Variants in AK1 observed in about 807,000 individuals in gnomAD.
AK1 encodes adenylate kinase isoenzyme 1.
In AK1, 13 loss-of-function variants were observed where a neutral mutation model predicts 23.9. The ratio of observed to expected loss-of-function variants is 0.54; its 90% confidence interval spans 0.35 to 0.86. The LOEUF is 0.86. Among genes scored for constraint, AK1 ranks in the 40% least tolerant of loss-of-function variants. The pLI, the probability that AK1 is intolerant of heterozygous loss-of-function variation, is 0.01. For missense variants in AK1, 214 were observed against 255.1 expected (o/e 0.84, Z 1.10); for synonymous variants, 97 against 102.8 (o/e 0.94, Z 0.34).
intron 2 of AK1, chr9:127,874,305 C>T (rs994481601): frequency 1.0e-6 from 1 of 985,386 alleles, no homozygotes; most frequent in African/African-American, 1.7e-5. Context: ...CTCATTAGAC[C>T]TGGTGTTTTG....
Position 127,871,944 on chromosome 9 carries a change from G to T in AK1, c.208-5C>A, listed in dbSNP as rs780711229. 4.3e-6 allele frequency: 7 copies of T among 1,612,294 alleles called. 1 individual carries two copies. The Admixed American group carries it at 1.2e-4, about 27-fold the overall frequency. Reference sequence around the variant, plus strand: ...GAGCATGTCCAACACTGTCTCCTGGGGCACAGCAAAGGAGGAAGGGGCCAT... The same window carrying T: ...GAGCATGTCCAACACTGTCTCCTGGTGCACAGCAAAGGAGGAAGGGGCCAT... On this transcript the variant is annotated splice_region_variant and splice_polypyrimidine_tract_variant and intron_variant, in intron 4 of 6. Transcript: ENST00000644144. This position sits in a 1 kb window ranked among gnomAD's most constrained non-coding sequence, Gnocchi z 4.4.
At chr9:127,869,432 G>T (rs1212553533) in intron 5 of AK1, 1 of 153,080 alleles carries the variant, frequency 6.5e-6, no homozygotes, top group African/African-American at 2.4e-5. Flanking sequence ...TCGTGCCTCT[G>T]TCCAGCTGTG....
In AK1 at chr9:127,866,545, A is replaced by G. The variant is rs1264175059; in HGVS notation, c.*1463T>C. ...CTTTAAATAACCAATGGAAATGAAA[A>G]ACCAGCCCCACTTGCCATGAACAGC... On this transcript the variant is annotated 3_prime_UTR_variant, in exon 7 of 7. Transcript: ENST00000644144. 6.6e-6 allele frequency: 1 copy of G among 152,220 alleles called. No homozygotes were observed. The highest frequency in any genetic ancestry group is 1.5e-5 in the Non-Finnish European group (1 of 68,038). 9.4% of individuals were successfully genotyped at this position (152,220 alleles called of 1,614,324 possible).
At position 127,867,763 on chromosome 9, in the gene AK1, G is replaced by A. The variant is rs114264447; in HGVS notation, c.*245C>T. On this transcript the variant is annotated 3_prime_UTR_variant, in exon 7 of 7. Coordinates refer to ENST00000644144, the MANE Select transcript of AK1 (RefSeq NM_000476.3). ...AGGAGGAACGGAGGGTTGAGGGGCT[G>A]GGGACTTGCGGCCAGGTAGGCACAA... is the stretch of plus-strand genomic sequence containing the variant. 2,103 of 503,580 alleles carry A rather than the reference G, an allele frequency of 4.2e-3. 31 individuals are homozygous for A. The highest frequency in any genetic ancestry group is 0.037 in the African/African-American group (1,907 of 51,556). The allele number at this position is 503,580 out of a possible 1,614,324, so 31.2% of individuals were successfully genotyped here. A position where few individuals can be genotyped will look rare whatever the true frequency, so the allele number is the denominator to read the frequency against.
At chr9:127,874,450 G>A in intron 2 of AK1, 161 bp downstream of exon 2, 1 of 985,356 alleles carries the variant, frequency 1.0e-6, no homozygotes, top group South Asian at 4.7e-5. Flanking sequence ...CACATCCCGT[G>A]AGAGGCCAGA....
At chr9:127,870,361 C>A (rs1829364432) in intron 5 of AK1, among the ~76,000 whole-genome samples, 1 of 152,112 alleles carries the variant, frequency 6.6e-6, no homozygotes, top group Non-Finnish European at 1.5e-5. Flanking sequence ...CGCCACCATG[C>A]CTGGCTAATT....
At chr9:127,870,076 G>C (rs1829353433) in intron 5 of AK1, among the ~76,000 whole-genome samples, 1 of 152,084 alleles carries the variant, frequency 6.6e-6, no homozygotes, top group Admixed American at 6.6e-5. Context: ...AAGCCCTGGC[G>C]CCCCCTGGTG....
intron 1 of AK1, 48 bp from the exon 2 acceptor site, chr9:127,874,697 G>C (rs1829497289): frequency 5.0e-6 from 8 of 1,584,420 alleles, no homozygotes; most frequent in Non-Finnish European, 6.1e-6. Flanking sequence ...TCCTCACCCT[G>C]ACTCACCTTC....
intron 2 of AK1, chr9:127,874,272 G>C (rs964834373): frequency 8.1e-6 from 8 of 985,306 alleles, no homozygotes; most frequent in Non-Finnish European, 9.6e-6. Context: ...GAGTCCCGGA[G>C]AGGTACGGGG....
intron 5 of AK1, among the ~76,000 whole-genome samples, chr9:127,870,488 T>C (rs1012642047): frequency 2.6e-5 from 4 of 152,154 alleles, no homozygotes; most frequent in South Asian, 2.1e-4. Flanking sequence ...CGTGAGCCAC[T>C]GCACCCGGCC....
rs376719148 is a variant in AK1, at chr9:127,872,684, A to C, written c.207+6T>G. On this transcript the variant is annotated splice_donor_region_variant and intron_variant, in intron 4 of 6. Coordinates refer to ENST00000644144, the MANE Select transcript of AK1 (RefSeq NM_000476.3). ...CCTGCCTCTCACCCCACCAGGGCCC[A>C]CTCACCAGTGGAACCAGCTGCCCCT... 96 of 1,613,644 alleles carry C rather than the reference A, an allele frequency of 5.9e-5. No homozygotes were observed. The highest frequency in any genetic ancestry group is 7.4e-5 in the Non-Finnish European group (87 of 1,179,958).
rs1270647198 is a variant in AK1, at chr9:127,871,485, T to C, written c.324+338A>G. ...CACATCCTCTCCAGTCCCCACACTG[T>C]CCCTTAAGGCAGCTGTGACCTGGTC... is the stretch of plus-strand genomic sequence containing the variant. On this transcript the variant is annotated intron_variant, in intron 5 of 6. Coordinates refer to ENST00000644144, the MANE Select transcript of AK1 (RefSeq NM_000476.3). The surrounding 1 kb of genome is among the most constrained non-coding windows in gnomAD (Gnocchi z 4.4). Among the ~76,000 whole-genome samples the C allele has an allele frequency of 1.3e-5, 2 of 151,466 alleles. No individual in the cohort carries two copies. The highest frequency in any genetic ancestry group is 2.9e-5 in the Non-Finnish European group (2 of 68,018).
Position 127,867,382 on chromosome 9 carries a change from C to T in AK1, c.*626G>A, listed in dbSNP as rs532067062. On this transcript the variant is annotated 3_prime_UTR_variant, in exon 7 of 7. Coordinates refer to ENST00000644144, the MANE Select transcript of AK1 (RefSeq NM_000476.3). The stretch of plus-strand genomic sequence containing the variant: ...GCCATTGAGATGCCCTTTTCAGACC[C>T]TCAGAGCCTCTCGCGTCAAGGAAGC... The T allele has an allele frequency of 6.5e-6, 1 of 154,266 alleles. No individual in the cohort carries two copies. Among genetic ancestry groups the T allele is most frequent in the Non-Finnish European group, 1.4e-5 (1 of 69,362 alleles). 9.6% of individuals were successfully genotyped at this position (154,266 alleles called of 1,614,324 possible). A position where few individuals can be genotyped will look rare whatever the true frequency, so the allele number is the denominator to read the frequency against.
At chr9:127,870,803 GACGGGGCATGGGA>G (rs1829378259) in intron 5 of AK1, among the ~76,000 whole-genome samples, 1 of 144,786 alleles carries the variant, frequency 6.9e-6, no homozygotes, top group Non-Finnish European at 1.5e-5. Context: ...GCCCTACGGA[GACGGGGCATGGGA>G]ATGGGGCATG....
chr9:127,869,057 T>C (rs1158836834), intron 5 of AK1, among the ~76,000 whole-genome samples: 4 of 152,222 alleles, frequency 2.6e-5, no homozygotes, highest in Admixed American at 2.6e-4. Flanking sequence ...TGGGGTCCTT[T>C]GACAAAGGAA....
In AK1 at chr9:127,867,014, T is replaced by C. The variant is rs1473795155; in HGVS notation, c.*994A>G. 2.7e-5 allele frequency: 4 copies of C among 146,874 alleles called. No individual in the cohort carries two copies. The highest frequency in any genetic ancestry group is 4.5e-5 in the Non-Finnish European group (3 of 66,716). 9.1% of individuals were successfully genotyped at this position (146,874 alleles called of 1,614,324 possible). On this transcript the variant is annotated 3_prime_UTR_variant, in exon 7 of 7. Transcript: ENST00000644144. ...ACTCCCCCAATTCAATTTCTTTTTT[T>C]TTTTTTTTTTTTTTGAGACGGAGTC...
intron 2 of AK1, 180 bp downstream of exon 2, chr9:127,874,431 T>C (rs1212540695): frequency 1.0e-5 from 10 of 985,216 alleles, no homozygotes; most frequent in Non-Finnish European, 1.2e-5. Context: ...AAATTAATCT[T>C]GGAGCTGGCA....
rs387906583 is a variant in AK1, at chr9:127,872,757, AC to A, written c.139del (p.Val47SerfsTer45). The A allele has an allele frequency of 6.2e-7, 1 of 1,614,028 alleles. No individual in the cohort carries two copies. ...CTTGCCCCTGGCCGAGCCTGAGCTG[AC>A]CTCGGACCGCAGGAGGTCCCCGGTG... is the stretch of plus-strand genomic sequence containing the variant. ...LSTGDLLRSE[V>X]SSGSARGKKL... On this transcript the variant is annotated frameshift_variant, in exon 4 of 7. Coordinates refer to ENST00000644144, the MANE Select transcript of AK1 (RefSeq NM_000476.3). LOFTEE classifies it high-confidence loss of function.
At position 127,872,774 on chromosome 9, in the gene AK1, G is replaced by A; in HGVS notation, c.123C>T (p.Asp41=). ...KYGYTHLSTG[D]LLRSEVSSGS... ...CTGAGCTGACCTCGGACCGCAGGAGGTCCCCGGTGGAGAGGTGGGTGTAGC... is the reference window on the plus strand; with the variant it reads ...CTGAGCTGACCTCGGACCGCAGGAGATCCCCGGTGGAGAGGTGGGTGTAGC... The change falls in exon 4 of 7, where the codon GAC becomes GAT. Residue 41 remains aspartate, a synonymous_variant. Coordinates refer to ENST00000644144, the MANE Select transcript of AK1 (RefSeq NM_000476.3). 1 of 1,614,158 alleles carries A rather than the reference G, an allele frequency of 6.2e-7. No homozygotes were observed. The highest frequency in any genetic ancestry group is 1.3e-5 in the African/African-American group (1 of 75,042).
Sources: gnomAD v4.1 joint callset for allele counts (sites outside exome capture counted in the v4.1 genomes callset) on GRCh38, gnomAD v4.1.1 for gene constraint, Gnocchi (gnomAD v3.1) non-coding constraint, MANE v1.5 for transcripts, NCBI Gene and HGNC (gene_info 2026-07-23, HGNC 2026-07-21) for gene names.